Variants in ZFHX4 observed in about 807,000 individuals in gnomAD.
The protein encoded by ZFHX4 is zinc finger homeobox protein 4.
Under a neutral mutation model 267.6 loss-of-function variants are expected in ZFHX4, and 56 were observed. That is an observed-to-expected ratio of 0.21 (90% CI 0.17 to 0.26). The LOEUF is 0.26. ZFHX4 is among the 10% of genes least tolerant of loss of function. The pLI, the probability that ZFHX4 is intolerant of heterozygous loss-of-function variation, is 1.00. For missense variants in ZFHX4, 4,332 were observed against 4,420.0 expected (o/e 0.98, Z 0.56); for synonymous variants, 1,778 against 1,665.6 (o/e 1.07, Z -1.64).
intron 1 of ZFHX4, chr8:76,683,134 CG>C (rs1333974833): frequency 1.3e-5 from 2 of 152,046 alleles, no homozygotes; most frequent in Admixed American, 1.3e-4. Flanking sequence ...CGCCTTTGGC[CG>C]CGACTTCTCA....
chr8:76,718,318 CTT>C (rs1478988612), intron 3 of ZFHX4, among the ~76,000 whole-genome samples: 11 of 152,098 alleles, frequency 7.2e-5, no homozygotes, highest in Non-Finnish European at 1.5e-4. Flanking sequence ...AAAATTCTCT[CTT>C]GTTTACTATG....
At chr8:76,721,096 T>C (rs1429309994) in intron 3 of ZFHX4, among the ~76,000 whole-genome samples, 1 of 152,124 alleles carries the variant, frequency 6.6e-6, no homozygotes, top group Non-Finnish European at 1.5e-5. Flanking sequence ...GGGGGACATG[T>C]ATCTCCTGAG....
chr8:76,835,775 C>G (rs1336499259), intron 5 of ZFHX4, among the ~76,000 whole-genome samples: 1 of 152,004 alleles, frequency 6.6e-6, no homozygotes, highest in Non-Finnish European at 1.5e-5. Context: ...GCAAACATTT[C>G]AAGCTAAAAA....
At chr8:76,722,941 C>A (rs998256273) in intron 3 of ZFHX4, among the ~76,000 whole-genome samples, 2 of 151,922 alleles carry the variant, frequency 1.3e-5, no homozygotes, top group African/African-American at 4.8e-5. Flanking sequence ...CTTTATCTCC[C>A]CAATTGGCCT....
chr8:76,799,022 A>C (rs188566965), intron 4 of ZFHX4, among the ~76,000 whole-genome samples: 2 of 152,314 alleles, frequency 1.3e-5, no homozygotes, highest in Admixed American at 1.3e-4. Flanking sequence ...TCATATTTAC[A>C]ATAAGAATGT....
chr8:76,707,515 T>C (rs776877493), intron 2 of ZFHX4, 31 bp from the exon 3 acceptor site: 20 of 1,474,652 alleles, frequency 1.4e-5, no homozygotes, highest in Non-Finnish European at 1.8e-5. Flanking sequence ...TTCTAGTCTC[T>C]ATTTTTCCTT....
At chr8:76,848,417 G>A (rs1435499784) in intron 6 of ZFHX4, among the ~76,000 whole-genome samples, 1 of 152,100 alleles carries the variant, frequency 6.6e-6, no homozygotes, top group Non-Finnish European at 1.5e-5. Context: ...AATGTTATAT[G>A]TACAGCCAAC....
chr8:76,857,884 G>A (rs1812774342), intron 10 of ZFHX4, among the ~76,000 whole-genome samples: 1 of 150,472 alleles, frequency 6.6e-6, no homozygotes, highest in South Asian at 2.1e-4. Context: ...TTATTTTCTG[G>A]TCCCATTTTA....
At position 76,706,540 on chromosome 8, in the gene ZFHX4, G is replaced by A; in HGVS notation, c.2452G>A (p.Ala818Thr). The change falls in exon 2 of 11, where the codon GCA becomes ACA. Residue 818 changes from alanine (A) to threonine (T), a missense_variant. Physicochemically the swap from Ala to Thr is moderately conservative, Grantham distance 58. Around this residue, in one of 7 missense-constraint regions of ZFHX4, gnomAD observed 1,195 missense variants for 1,173.6 expected, o/e 1.02. Transcript: ENST00000651372. ...NLHLGLAPAE[A>T]ELYQYYLAQN... ...GCACTTGGGCCTCGCCCCGGCGGAA[G>A]CAGAGCTTTATCAGTACTACCTAGC... 1 of 1,613,232 alleles carries A rather than the reference G, an allele frequency of 6.2e-7. No individual in the cohort carries two copies. Among genetic ancestry groups the A allele is most frequent in the Non-Finnish European group, 8.5e-7 (1 of 1,179,612 alleles).
At chr8:76,840,396 G>GC (rs1007352302) in intron 5 of ZFHX4, among the ~76,000 whole-genome samples, 13 of 152,136 alleles carry the variant, frequency 8.5e-5, no homozygotes, top group Non-Finnish European at 1.9e-4. Flanking sequence ...TCAAACTGTT[G>GC]CCAGGGTCAG....
At chr8:76,861,608 A>G (rs1369695877) in intron 10 of ZFHX4, among the ~76,000 whole-genome samples, 1 of 152,138 alleles carries the variant, frequency 6.6e-6, no homozygotes, top group Non-Finnish European at 1.5e-5. Context: ...ATAAGGGTCA[A>G]GGAAGGAGTG....
chr8:76,731,367 A>G (rs958699616), intron 3 of ZFHX4, among the ~76,000 whole-genome samples: 3 of 152,172 alleles, frequency 2.0e-5, no homozygotes, highest in Admixed American at 6.5e-5. Context: ...GGATAGGTGG[A>G]TGTCAAGTTT....
At chr8:76,711,993 GCTTTGCTTGTT>G (rs1295142875) in intron 3 of ZFHX4, among the ~76,000 whole-genome samples, 2 of 152,214 alleles carry the variant, frequency 1.3e-5, no homozygotes, top group East Asian at 3.8e-4. Flanking sequence ...GGTGTTCACA[GCTTTGCTTGTT>G]CAAAGTCAAA....
chr8:76,778,719 AT>A (rs930299802), intron 4 of ZFHX4, among the ~76,000 whole-genome samples: 1 of 152,070 alleles, frequency 6.6e-6, no homozygotes, highest in Non-Finnish European at 1.5e-5. Flanking sequence ...TCACAGTGAA[AT>A]TTTTCCCCCC....
rs1813005137 is a variant in ZFHX4 at position 76,865,557 on chromosome 8, G to A, written c.*992G>A. 6.6e-6 allele frequency: 1 copy of A among 152,390 alleles called. No homozygotes were observed. Among genetic ancestry groups the A allele is most frequent in the South Asian group, 2.1e-4 (1 of 4,822 alleles). 9.4% of individuals were successfully genotyped at this position (152,390 alleles called of 1,614,324 possible). On this transcript the variant is annotated 3_prime_UTR_variant, in exon 11 of 11. Coordinates refer to ENST00000651372, the MANE Select transcript of ZFHX4 (RefSeq NM_024721.5). Reference sequence around the variant, plus strand: ...ACAGTTTGGTCTGCATTTGTTAGAAGTTTAACTCCTAACAACCCAAAGACC... The same window carrying A: ...ACAGTTTGGTCTGCATTTGTTAGAAATTTAACTCCTAACAACCCAAAGACC...
intron 3 of ZFHX4, among the ~76,000 whole-genome samples, chr8:76,746,933 T>C (rs923355449): frequency 2.6e-5 from 4 of 152,222 alleles, no homozygotes; most frequent in African/African-American, 9.6e-5. Flanking sequence ...AAAGACTGTG[T>C]TGTGTTTATA....
At chr8:76,818,882 A>C (rs1811571955) in intron 4 of ZFHX4, among the ~76,000 whole-genome samples, 1 of 152,084 alleles carries the variant, frequency 6.6e-6, no homozygotes, top group Admixed American at 6.5e-5. Flanking sequence ...ATGACACTGC[A>C]CTCCAGCCTA....
intron 1 of ZFHX4, among the ~76,000 whole-genome samples, chr8:76,692,216 C>T (rs1451371246): frequency 1.3e-5 from 2 of 152,012 alleles, no homozygotes; most frequent in African/African-American, 4.8e-5. Context: ...TCCACATGAA[C>T]TCAAGATTCC....
chr8:76,801,142 T>C (rs1177870322), intron 4 of ZFHX4, among the ~76,000 whole-genome samples: 1 of 152,142 alleles, frequency 6.6e-6, no homozygotes, highest in East Asian at 1.9e-4. Flanking sequence ...GAATGGACAT[T>C]GAGCCTTCTA....
Sources: allele counts gnomAD v4.1 joint callset (sites outside exome capture counted in the v4.1 genomes callset), GRCh38; gene constraint gnomAD v4.1.1; regional missense constraint gnomAD v4.1.1; transcripts MANE v1.5; gene names NCBI Gene and HGNC (gene_info 2026-07-23, HGNC 2026-07-21).